Variants in C10orf90 observed in about 807,000 individuals in gnomAD.
The protein encoded by C10orf90 is chromosome 10 open reading frame 90.
In C10orf90, 56 loss-of-function variants were observed where a neutral mutation model predicts 62.5. That is an observed-to-expected ratio of 0.90 (90% CI 0.72 to 1.12). C10orf90 has a LOEUF of 1.12. Among genes scored for constraint, C10orf90 ranks in the 50% most tolerant of loss-of-function variants. C10orf90 has a pLI of 0.00. For synonymous variants in C10orf90, 386 were observed against 340.4 expected (o/e 1.13, Z -1.47); for missense variants, 970 against 880.4 (o/e 1.10, Z -1.29).
At position 126,565,245 on chromosome 10, in the gene C10orf90, A is replaced by T. The variant is rs1351721946; in HGVS notation, c.314-51306T>A. ...TATATTACATATTATGTAATATAAT[A>T]TTTATTATATTATATATTTATATTA... is the stretch of plus-strand genomic sequence containing the variant. On this transcript the variant is annotated intron_variant, in intron 2 of 9. Transcript: ENST00000488181. Among the ~76,000 whole-genome samples the T allele has an allele frequency of 7.1e-4, 29 of 40,754 alleles. 1 individual carries two copies. In the Admixed American group the frequency reaches 9.4e-3, roughly 13 times the overall value. The allele number at this position is 40,754 out of a possible 152,430, so 26.7% of individuals were successfully genotyped here.
At chr10:126,525,433 G>A (rs1863908265) in intron 2 of C10orf90, among the ~76,000 whole-genome samples, 1 of 152,342 alleles carries the variant, frequency 6.6e-6, no homozygotes, top group Admixed American at 6.5e-5. Context: ...TTGTGGGACT[G>A]TGGGGCTTCT....
chr10:126,496,781 A>G (rs1862083394), intron 4 of C10orf90: 1 of 908,420 alleles, frequency 1.1e-6, no homozygotes, highest in African/African-American at 1.8e-5. Flanking sequence ...TCGTGACATA[A>G]GCATGGGCTT....
chr10:126,565,203 T>TTATGTAGTATAATATTTATATTACATAA, intron 2 of C10orf90, among the ~76,000 whole-genome samples: 1 of 24,746 alleles, frequency 4.0e-5, no homozygotes, highest in African/African-American at 1.2e-4. Flanking sequence ...ATATTACATA[T>TTATGTAGTATAATATTTATATTACATAA]TATGTAATAT....
At chr10:126,465,061 G>T in intron 4 of C10orf90, 75 bp from the exon 5 acceptor site, 2 of 1,491,520 alleles carry the variant, frequency 1.3e-6, no homozygotes, top group African/African-American at 1.4e-5. Flanking sequence ...ACCGCACATG[G>T]TGCTTTTCTC....
At chr10:126,599,352 A>AT (rs1177208480) in intron 2 of C10orf90, among the ~76,000 whole-genome samples, 1 of 149,928 alleles carries the variant, frequency 6.7e-6, no homozygotes, top group Non-Finnish European at 1.5e-5. Context: ...CGCCCGGCTA[A>AT]TTTTTTGTAT....
At chr10:126,458,950 T>C (rs1564806599) in intron 7 of C10orf90, 90 bp downstream of exon 7, 5 of 1,348,714 alleles carry the variant, frequency 3.7e-6, no homozygotes, top group Non-Finnish European at 5.0e-6. Context: ...GTGGCATCAT[T>C]TGGAGCCATC....
intron 2 of C10orf90, among the ~76,000 whole-genome samples, chr10:126,533,702 A>G (rs1864162873): frequency 6.6e-6 from 1 of 152,212 alleles, no homozygotes; most frequent in African/African-American, 2.4e-5. Context: ...GCCAGGTTTG[A>G]CTTCAGTCAA....
chr10:126,527,558 T>G (rs1180891135), intron 2 of C10orf90, among the ~76,000 whole-genome samples: 1 of 152,224 alleles, frequency 6.6e-6, no homozygotes, highest in Non-Finnish European at 1.5e-5. Context: ...TTTCTGTCAT[T>G]TCTGACAAGG....
At chr10:126,650,347 C>T (rs1846266495) in intron 1 of C10orf90, among the ~76,000 whole-genome samples, 1 of 152,156 alleles carries the variant, frequency 6.6e-6, no homozygotes, top group Non-Finnish European at 1.5e-5. Flanking sequence ...GATTTAAGAA[C>T]CATTTTTCAC....
chr10:126,669,700 TGTC>T (rs1454073985), intron 1 of C10orf90, among the ~76,000 whole-genome samples: 1 of 60,078 alleles, frequency 1.7e-5, no homozygotes, highest in African/African-American at 4.5e-5. Flanking sequence ...TCTCACTCTC[TGTC>T]TTTTTTTTTT....
intron 2 of C10orf90, among the ~76,000 whole-genome samples, chr10:126,623,973 T>C (rs1341950964): frequency 6.6e-6 from 1 of 152,082 alleles, no homozygotes; most frequent in Non-Finnish European, 1.5e-5. Context: ...AATGAATGAC[T>C]CCACCATCGC....
At chr10:126,437,988 G>T (rs992024737) in intron 7 of C10orf90, among the ~76,000 whole-genome samples, 3 of 152,178 alleles carry the variant, frequency 2.0e-5, no homozygotes, top group African/African-American at 7.2e-5. Flanking sequence ...ATTTTCTGTG[G>T]TTATTTCACA....
intron 3 of C10orf90, among the ~76,000 whole-genome samples, chr10:126,506,739 G>A (rs577896879): frequency 2.0e-4 from 31 of 152,210 alleles, no homozygotes; most frequent in Non-Finnish European, 4.0e-4. Flanking sequence ...ACACATTTTG[G>A]AGAGGAAGGG....
intron 2 of C10orf90, among the ~76,000 whole-genome samples, chr10:126,616,610 A>G (rs940982108): frequency 6.6e-6 from 1 of 152,178 alleles, no homozygotes; most frequent in Non-Finnish European, 1.5e-5. Context: ...CTTGGTCAGC[A>G]ACATGGTGGC....
intron 2 of C10orf90, among the ~76,000 whole-genome samples, chr10:126,514,789 A>C (rs372980740): frequency 6.9e-6 from 1 of 145,960 alleles, no homozygotes; most frequent in Admixed American, 6.8e-5. Context: ...CCCCCTCTCC[A>C]CCCCCCATCT....
Position 126,599,215 on chromosome 10 carries a change from C to T in C10orf90, c.313+47350G>A, listed in dbSNP as rs112369692. ...TTTTTTTTTTTTTGAGACGGAGTTT[C>T]GCTCTGTCACCCAGGCTGGAGTGCA... On this transcript the variant is annotated intron_variant, in intron 2 of 9. Coordinates refer to ENST00000488181, the MANE Select transcript of C10orf90 (RefSeq NM_001350921.2). Among the ~76,000 whole-genome samples, 655 of 128,768 alleles carry T rather than the reference C, an allele frequency of 5.1e-3. 2 individuals are homozygous for T. Among genetic ancestry groups the T allele is most frequent in the South Asian group, 0.015 (59 of 4,046 alleles). 84.5% of individuals were successfully genotyped at this position (128,768 alleles called of 152,430 possible).
intron 2 of C10orf90, among the ~76,000 whole-genome samples, chr10:126,631,385 C>G (rs562604409): frequency 8.5e-5 from 13 of 152,294 alleles, no homozygotes; most frequent in African/African-American, 3.1e-4. Context: ...CCTGCTTCCT[C>G]TCCTGGAGAC....
intron 2 of C10orf90, among the ~76,000 whole-genome samples, chr10:126,557,211 G>A (rs1201703415): frequency 6.6e-6 from 1 of 152,034 alleles, no homozygotes; most frequent in Admixed American, 6.5e-5. Context: ...GCCGGGTGCG[G>A]TGGCTGACAC....
chr10:126,464,735 C>T lies in C10orf90; in HGVS notation c.1786G>A (p.Glu596Lys), dbSNP rs765334221. 4.3e-6 allele frequency: 7 copies of T among 1,613,876 alleles called. No individual in the cohort carries two copies. Among genetic ancestry groups the T allele is most frequent in the Non-Finnish European group, 8.5e-7 (1 of 1,179,912 alleles). Residue 596 changes from glutamate to lysine, a missense_variant, in exon 5 of 10, where the codon GAA (glutamate) becomes AAA (lysine). Coordinates refer to ENST00000488181, the MANE Select transcript of C10orf90 (RefSeq NM_001350921.2). ...PLQDVCASLQEDNGVQIESKF... is the reference protein window; with the variant it reads ...PLQDVCASLQKDNGVQIESKF... ...CTTTCTATCTGAACACCATTGTCTT[C>T]CTGCAGAGATGCACATACATCTTGT...
Sources: allele counts gnomAD v4.1 joint callset (sites outside exome capture counted in the v4.1 genomes callset), GRCh38; gene constraint gnomAD v4.1.1; transcripts MANE v1.5; gene names NCBI Gene and HGNC (gene_info 2026-07-23, HGNC 2026-07-21).